The following KRT7 variants were observed in gnomAD, a reference collection of about 807,000 sequenced individuals.
KRT7 encodes keratin, type II cytoskeletal 7.
KRT7 carries 50 observed loss-of-function variants against 42.8 expected under a neutral mutation model. That is an observed-to-expected ratio of 1.17 (90% CI 0.93 to 1.48). The LOEUF (loss-of-function observed/expected upper bound fraction) is 1.48. KRT7 is among the 40% of genes most tolerant of loss of function. The pLI is 0.00. For missense variants in KRT7, 588 were observed against 637.6 expected (o/e 0.92, Z 0.84); for synonymous variants, 268 against 266.3 (o/e 1.01, Z -0.06).
rs375188532 is a variant in KRT7 at position 52,233,254 on chromosome 12, G to A, written c.-43G>A. ...GTGTCCCCGAGGTCAGCGAGTGCGC[G>A]CTCCTCCTCGCCCGCCGCTAGGTCC... On this transcript the variant is annotated 5_prime_UTR_variant, in exon 1 of 9. Transcript: ENST00000331817. 9 of 1,430,980 alleles carry A rather than the reference G, an allele frequency of 6.3e-6. No individual in the cohort carries two copies. Among genetic ancestry groups the A allele is most frequent in the Non-Finnish European group, 8.3e-6 (9 of 1,078,580 alleles). The allele number at this position is 1,430,980 out of a possible 1,614,324, so 88.6% of individuals were successfully genotyped here.
chr12:52,236,094 TGGGGCAGTGA>T (rs910499061), intron 2 of KRT7, among the ~76,000 whole-genome samples: 12 of 151,936 alleles, frequency 7.9e-5, no homozygotes, highest in African/African-American at 2.9e-4. Context: ...TGAGGGGCAC[TGGGGCAGTGA>T]GTGAGTTCTG....
At chr12:52,252,634 C>T (rs1942284392), downstream of KRT7, among the ~76,000 whole-genome samples, 1 of 152,242 alleles carries the variant, frequency 6.6e-6, no homozygotes, top group Admixed American at 6.5e-5. Flanking sequence ...CATGTTTGCA[C>T]AGTGTCTTCA....
chr12:52,233,259 T>G lies in KRT7; in HGVS notation c.-38T>G. 6.8e-7 allele frequency: 1 copy of G among 1,460,374 alleles called. No individual in the cohort carries two copies. Among genetic ancestry groups the G allele is most frequent in the Non-Finnish European group, 9.1e-7 (1 of 1,101,714 alleles). 90.5% of individuals were successfully genotyped at this position (1,460,374 alleles called of 1,614,324 possible). On this transcript the variant is annotated 5_prime_UTR_variant, in exon 1 of 9. Coordinates refer to ENST00000331817, the MANE Select transcript of KRT7 (RefSeq NM_005556.4). ...CCCGAGGTCAGCGAGTGCGCGCTCC[T>G]CCTCGCCCGCCGCTAGGTCCATCCC... is the stretch of plus-strand genomic sequence containing the variant.
Position 52,233,635 on chromosome 12 carries a change from A to G in KRT7, c.324+15A>G. ...TCATCGACAAGGTGAGCGGGACTGG[A>G]CCTCGCCTCTCCTCGAGCCGCGCTC... On this transcript the variant is annotated intron_variant, in intron 1 of 8. Coordinates refer to ENST00000331817, the MANE Select transcript of KRT7 (RefSeq NM_005556.4). 6.2e-7 allele frequency: 1 copy of G among 1,610,362 alleles called. No homozygotes were observed. The highest frequency in any genetic ancestry group is 8.5e-7 in the Non-Finnish European group (1 of 1,178,692).
At chr12:52,252,726 T>C (rs1942285342), downstream of KRT7, among the ~76,000 whole-genome samples, 2 of 152,262 alleles carry the variant, frequency 1.3e-5, no homozygotes, top group Admixed American at 6.5e-5. Context: ...GACCTGCATT[T>C]CTGCATGGCC....
In KRT7 at chr12:52,237,515, A is replaced by G. The variant is rs374707928; in HGVS notation, c.543A>G (p.Glu181=). The G allele has an allele frequency of 5.2e-4, 839 of 1,611,352 alleles. 4 individuals carry two copies. The South Asian group carries it at 8.4e-3, about 16-fold the overall frequency. Residue 181 remains glutamate (E), a synonymous_variant, in exon 3 of 9, where the codon GAA becomes GAG. Transcript: ENST00000331817. ...AGGCCCTCCTCTACTGTAGGTACGAAGATGAAATTAACCACCGCACAGCTG... is the reference window on the plus strand; with the variant it reads ...AGGCCCTCCTCTACTGTAGGTACGAGGATGAAATTAACCACCGCACAGCTG... The part of the protein sequence containing the change: ...DVVEDFKNKY[E]DEINHRTAAE...
At chr12:52,250,725 G>A (rs1202020397), downstream of KRT7, 13 of 471,082 alleles carry the variant, frequency 2.8e-5, no homozygotes, top group Admixed American at 2.4e-4. Flanking sequence ...GTTTCTATGC[G>A]CGCCCCTCAA....
chr12:52,250,779 T>C, downstream of KRT7: 1 of 398,674 alleles, frequency 2.5e-6, no homozygotes, highest in Non-Finnish European at 4.7e-6. Context: ...GCCTCAGGCG[T>C]CCTTGATACA....
At chr12:52,252,941 A>G (rs1315026517), downstream of KRT7, among the ~76,000 whole-genome samples, 2 of 152,180 alleles carry the variant, frequency 1.3e-5, no homozygotes, top group African/African-American at 2.4e-5. Context: ...CTAGTGGCAG[A>G]GCTTGTTTGA....
rs756240277 is a variant in KRT7 at position 52,248,201 on chromosome 12, C to A, written c.1230C>A (p.Ala410=). ...GGTTGGCTGGAGATGGAGTGGGAGC[C>A]GTGAATATCTGTAAGTCCTTGGCTG... ...ESRLAGDGVG[A]VNISVMNSTG... is the part of the protein sequence containing the mutation. Residue 410 remains alanine, a synonymous_variant, in exon 8 of 9, where the codon GCC becomes GCA. Transcript: ENST00000331817. 6.2e-7 allele frequency: 1 copy of A among 1,614,066 alleles called. No individual in the cohort carries two copies. Among genetic ancestry groups the A allele is most frequent in the African/African-American group, 1.3e-5 (1 of 75,026 alleles).
At chr12:52,253,708 TGTC>T, downstream of KRT7, 1 of 1,366,064 alleles carries the variant, frequency 7.3e-7, no homozygotes, top group Non-Finnish European at 1.0e-6. Flanking sequence ...TCCCGACTGT[TGTC>T]CATCTTGACG....
At position 52,248,720 on chromosome 12, in the gene KRT7, T is replaced by C. The variant is rs1942218150; in HGVS notation, c.1370T>C (p.Ile457Thr). Residue 457 changes from isoleucine (I) to threonine (T), a missense_variant, in exon 9 of 9, where the codon ATC becomes ACC. By Grantham distance (89) the Ile-to-Thr change is moderately conservative. Transcript: ENST00000331817. ...CCTGGGCTCCTGAAGGCTTATTCCA[T>C]CCGGACCGCATCCGCCAGTCGCAGG... is the stretch of plus-strand genomic sequence containing the variant. ...AGPGLLKAYS[I>T]RTASASRRSA... 6.2e-7 allele frequency: 1 copy of C among 1,605,026 alleles called. No homozygotes were observed. Among genetic ancestry groups the C allele is most frequent in the Non-Finnish European group, 8.5e-7 (1 of 1,176,398 alleles).
At chr12:52,242,819 G>T (rs1355496314) in intron 5 of KRT7, among the ~76,000 whole-genome samples, 193 bp from the exon 6 acceptor site, 3 of 152,172 alleles carry the variant, frequency 2.0e-5, no homozygotes, top group Admixed American at 6.5e-5. Flanking sequence ...TGTCCTCCCT[G>T]CCTGGCTTGG....
intron 1 of KRT7, 39 bp from the exon 2 acceptor site, chr12:52,235,116 C>G (rs371699326): frequency 1.9e-6 from 3 of 1,598,550 alleles, no homozygotes; most frequent in Non-Finnish European, 8.6e-7. Flanking sequence ...GTGGCACGCT[C>G]TGGCTCCTCT....
At chr12:52,248,064 G>A in intron 7 of KRT7, 113 bp from the exon 8 acceptor site, 3 of 1,012,780 alleles carry the variant, frequency 3.0e-6, no homozygotes, top group Admixed American at 1.9e-5. Flanking sequence ...GAAGTGTGGG[G>A]CAAGAAGGAA....
downstream of KRT7, chr12:52,253,213 C>T: frequency 6.2e-7 from 1 of 1,606,164 alleles, no homozygotes; most frequent in Non-Finnish European, 8.5e-7. Context: ...GCTCCCATAC[C>T]TGGCACTTGG....
At chr12:52,239,299 A>T (rs1297438802) in intron 4 of KRT7, among the ~76,000 whole-genome samples, 1 of 152,174 alleles carries the variant, frequency 6.6e-6, no homozygotes, top group Non-Finnish European at 1.5e-5. Context: ...TTTTAGACTA[A>T]ACTTCTTTGG....
At chr12:52,241,421 GT>G in intron 4 of KRT7, 50 bp from the exon 5 acceptor site, 2 of 1,435,324 alleles carry the variant, frequency 1.4e-6, no homozygotes, top group Non-Finnish European at 1.9e-6. Context: ...CAGGGTGGGC[GT>G]GGGCATAGGA....
At chr12:52,251,058 C>T (rs1942259874), downstream of KRT7, among the ~76,000 whole-genome samples, 2 of 152,228 alleles carry the variant, frequency 1.3e-5, no homozygotes, top group Non-Finnish European at 2.9e-5. Flanking sequence ...CGGCTCACTG[C>T]AACCTCTGCC....
Sources: gnomAD v4.1 joint callset for allele counts (sites outside exome capture counted in the v4.1 genomes callset) on GRCh38, gnomAD v4.1.1 for gene constraint, MANE v1.5 for transcripts, NCBI Gene and HGNC (gene_info 2026-07-23, HGNC 2026-07-21) for gene names.